Variants in LARGE1 observed in about 807,000 individuals in gnomAD.
LARGE1 encodes the protein xylosyl- and glucuronyltransferase LARGE1.
Under a neutral mutation model 87.6 loss-of-function variants are expected in LARGE1, and 43 were observed. That is an observed-to-expected ratio of 0.49 (90% CI 0.38 to 0.63). LARGE1 has a LOEUF of 0.63. LARGE1 is among the 30% of genes least tolerant of loss of function. LARGE1 has a pLI of 0.00. For synonymous variants in LARGE1, 434 were observed against 394.6 expected, an observed-to-expected ratio of 1.10 and a Z score of -1.18; for missense variants, 802 against 1,000.2, an observed-to-expected ratio of 0.80 and a Z score of 2.67.
chr22:33,491,059 A>G (rs1261517345), intron 6 of LARGE1, among the ~76,000 whole-genome samples: 1 of 152,220 alleles, frequency 6.6e-6, no homozygotes, highest in Non-Finnish European at 1.5e-5. Flanking sequence ...CCTCAGCCAG[A>G]CACATCTTTG....
At chr22:33,730,475 C>T (rs549593551) in intron 2 of LARGE1, among the ~76,000 whole-genome samples, 1 of 152,274 alleles carries the variant, frequency 6.6e-6, no homozygotes, top group African/African-American at 2.4e-5. Flanking sequence ...TAAATCTATA[C>T]ACCTACTATG....
chr22:33,722,795 A>C (rs1241319058), intron 2 of LARGE1, among the ~76,000 whole-genome samples: 1 of 152,208 alleles, frequency 6.6e-6, no homozygotes, highest in African/African-American at 2.4e-5. Flanking sequence ...TGGACCCTGC[A>C]TGAGTTAACA....
At position 33,300,474 on chromosome 22, in the gene LARGE1, C is replaced by CA. The variant is rs199970734; in HGVS notation, c.1730+3754dup. On this transcript the variant is annotated intron_variant, in intron 12 of 14. Coordinates refer to ENST00000397394, the MANE Select transcript of LARGE1 (RefSeq NM_133642.5). ...CACTCTAGCTTCAGCTGCCTGGGCTCAGGAGATCATCCTGTCTCAACCTCC... is the reference window on the plus strand; with the variant it reads ...CACTCTAGCTTCAGCTGCCTGGGCTCAAGGAGATCATCCTGTCTCAACCTCC... Among the ~76,000 whole-genome samples, 694 of 152,276 alleles carry CA rather than the reference C, an allele frequency of 4.6e-3. 4 individuals carry two copies. The highest frequency in any genetic ancestry group is 0.016 in the African/African-American group (658 of 41,552).
intron 6 of LARGE1, among the ~76,000 whole-genome samples, chr22:33,491,161 G>C (rs2069823864): frequency 1.3e-5 from 2 of 152,066 alleles, no homozygotes; most frequent in Non-Finnish European, 2.9e-5. Context: ...TGACAGTGTT[G>C]GTACACAGTA....
At chr22:33,713,476 G>T (rs773332553) in intron 2 of LARGE1, among the ~76,000 whole-genome samples, 7 of 152,092 alleles carry the variant, frequency 4.6e-5, no homozygotes, top group Non-Finnish European at 8.8e-5. Context: ...GCGGTCGCTG[G>T]TGGTTTATTT....
intron 5 of LARGE1, among the ~76,000 whole-genome samples, chr22:33,580,486 C>T (rs1228393036): frequency 2.6e-5 from 4 of 152,014 alleles, no homozygotes; most frequent in African/African-American, 9.7e-5. Flanking sequence ...GCTGCTGGTT[C>T]ATTCTGAATC....
rs754118302 is a variant in LARGE1, at chr22:33,337,627, A to G, written c.1287+19T>C. On this transcript the variant is annotated intron_variant, in intron 10 of 14. Transcript: ENST00000397394. ...CAGAGAAGCCGCCCCTTCCCTGCCC[A>G]GCCTTGCGAGCCACTTACGTTTTCA... 3.1e-6 allele frequency: 5 copies of G among 1,613,812 alleles called. No individual in the cohort carries two copies. In the African/African-American group the frequency reaches 4.0e-5, roughly 13 times the overall value.
chr22:33,874,374 C>T (rs2064398869), intron 1 of LARGE1, among the ~76,000 whole-genome samples: 1 of 152,196 alleles, frequency 6.6e-6, no homozygotes, highest in South Asian at 2.1e-4. Flanking sequence ...TCCAGGAGCA[C>T]ATCAGCCGCC....
At chr22:33,268,842 A>T (rs905554669), downstream of LARGE1, among the ~76,000 whole-genome samples, 2 of 152,226 alleles carry the variant, frequency 1.3e-5, no homozygotes, top group African/African-American at 4.8e-5. Context: ...CCACATATTG[A>T]ATCATCTCAG....
At chr22:33,276,960 T>A in intron 14 of LARGE1, 100 bp downstream of exon 14, 2 of 1,165,236 alleles carry the variant, frequency 1.7e-6, no homozygotes, top group Non-Finnish European at 2.6e-6. Flanking sequence ...TCTTGTTCCC[T>A]CTTAGCTCTC....
At chr22:33,190,705 T>C (rs1246888669) in intron 11 of LARGE1, among the ~76,000 whole-genome samples, 1 of 152,170 alleles carries the variant, frequency 6.6e-6, no homozygotes, top group African/African-American at 2.4e-5. Flanking sequence ...ATGAACGTTT[T>C]TCAATATCTC....
chr22:33,108,914 A>C, the LARGE1 span, among the ~76,000 whole-genome samples: 1 of 152,140 alleles, frequency 6.6e-6, no homozygotes, highest in African/African-American at 2.4e-5. Flanking sequence ...TCCTGGCTCC[A>C]CATTTAGGCA....
intron 2 of LARGE1, among the ~76,000 whole-genome samples, chr22:33,684,184 A>G (rs937060287): frequency 3.3e-5 from 5 of 152,130 alleles, no homozygotes; most frequent in African/African-American, 9.7e-5. Flanking sequence ...GTGAATGTGG[A>G]ATGTGTTTGG....
At chr22:33,207,674 C>T (rs1358310128) in intron 11 of LARGE1, among the ~76,000 whole-genome samples, 2 of 152,060 alleles carry the variant, frequency 1.3e-5, no homozygotes, top group African/African-American at 2.4e-5. Flanking sequence ...CTTCTTTTTC[C>T]ACCCAGCCAT....
chr22:33,318,751 A>C (rs964022943), intron 10 of LARGE1, among the ~76,000 whole-genome samples: 1 of 152,192 alleles, frequency 6.6e-6, no homozygotes, highest in Non-Finnish European at 1.5e-5. Context: ...GTATATTAAA[A>C]AAAAATGATA....
At chr22:33,239,728 A>G (rs1193475562) in intron 11 of LARGE1, among the ~76,000 whole-genome samples, 1 of 151,708 alleles carries the variant, frequency 6.6e-6, no homozygotes, top group East Asian at 1.9e-4. Flanking sequence ...TAGTAGAGAC[A>G]GGGTTTCACT....
At chr22:33,120,426 C>CTT in the LARGE1 span, among the ~76,000 whole-genome samples, 360 of 112,716 alleles carry the variant, frequency 3.2e-3, 2 homozygotes, top group African/African-American at 4.9e-3. Context: ...TTCTTTCTTT[C>CTT]TCTCTCTCTC....
chr22:33,326,862 AC>A (rs1221529864), intron 10 of LARGE1, among the ~76,000 whole-genome samples: 2 of 152,124 alleles, frequency 1.3e-5, no homozygotes, highest in South Asian at 2.1e-4. Flanking sequence ...ACAAGGGGAA[AC>A]CGTGGCCCAG....
At chr22:33,589,293 A>G (rs2078767597) in intron 5 of LARGE1, among the ~76,000 whole-genome samples, 2 of 152,218 alleles carry the variant, frequency 1.3e-5, no homozygotes, top group Admixed American at 6.5e-5. Flanking sequence ...TTTCAATGAG[A>G]TAACACTAAA....
Sources: gnomAD v4.1 joint callset for allele counts (sites outside exome capture counted in the v4.1 genomes callset) on GRCh38, gnomAD v4.1.1 for gene constraint, MANE v1.5 for transcripts, NCBI Gene and HGNC (gene_info 2026-07-23, HGNC 2026-07-21) for gene names.